IGSF21: variants seen among roughly 807,000 people sequenced by gnomAD.
IGSF21 encodes immunoglobulin superfamily member 21.
A neutral mutation model predicts 46.8 loss-of-function variants in IGSF21; 28 were observed. The observed-to-expected ratio is 0.60, with a 90% confidence interval of 0.44 to 0.82. The LOEUF is 0.82. Among genes scored for constraint, IGSF21 ranks in the 40% least tolerant of loss-of-function variants. The probability of loss-of-function intolerance (pLI) is 0.00; values close to 1 mark genes in which losing one functional copy is unlikely to be tolerated. For synonymous variants in IGSF21, 284 were observed against 273.6 expected, an observed-to-expected ratio of 1.04 and a Z score of -0.38; for missense variants, 624 against 665.5, an observed-to-expected ratio of 0.94 and a Z score of 0.69.
chr1:18,189,400 C>T (rs899914656), intron 1 of IGSF21, among the ~76,000 whole-genome samples: 2 of 152,138 alleles, frequency 1.3e-5, no homozygotes, highest in East Asian at 1.9e-4. Context: ...GAACCAGTTT[C>T]GTGGAGGATG....
intron 1 of IGSF21, among the ~76,000 whole-genome samples, chr1:18,137,313 T>G (rs1029909834): frequency 2.0e-5 from 3 of 152,182 alleles, no homozygotes; most frequent in African/African-American, 7.2e-5. Flanking sequence ...TGTCCCATGA[T>G]CCAATCACCT....
chr1:18,179,471 T>C (rs951148903), intron 1 of IGSF21: 3 of 152,236 alleles, frequency 2.0e-5, no homozygotes, highest in Non-Finnish European at 4.4e-5. Context: ...TATGACCACA[T>C]TGGAATAAAG....
At chr1:18,366,988 G>C (rs184069033) in intron 6 of IGSF21, among the ~76,000 whole-genome samples, 1 of 152,198 alleles carries the variant, frequency 6.6e-6, no homozygotes, top group Non-Finnish European at 1.5e-5. Context: ...GGATGGGCAC[G>C]ATGACCTGTG....
At position 18,252,044 on chromosome 1, in the gene IGSF21, C is replaced by CTTTT. The variant is rs1557608067; in HGVS notation, c.183+24034_183+24035insTTTT. Among the ~76,000 whole-genome samples the CTTTT allele has an allele frequency of 7.1e-5, 7 of 98,996 alleles. 1 individual carries two copies. Among genetic ancestry groups the CTTTT allele is most frequent in the Non-Finnish European group, 1.0e-4 (5 of 48,724 alleles). The allele number at this position is 98,996 out of a possible 152,430, so 64.9% of individuals were successfully genotyped here. A position where few individuals can be genotyped will look rare whatever the true frequency, so the allele number is the denominator to read the frequency against. On this transcript the variant is annotated intron_variant, in intron 2 of 9. Coordinates refer to ENST00000251296, the MANE Select transcript of IGSF21 (RefSeq NM_032880.5). ...AGGCTGGAACACTTTCTGACCAAGG[C>CTTTT]GTTTTTTTTTTTTTTTTTTTTTTTG...
At chr1:18,369,920 A>T (rs2086207850) in intron 6 of IGSF21, among the ~76,000 whole-genome samples, 1 of 152,130 alleles carries the variant, frequency 6.6e-6, no homozygotes, top group Non-Finnish European at 1.5e-5. Context: ...GCGTCCTGGC[A>T]CCCATCTCAC....
rs575610330 is a variant in IGSF21, at chr1:18,162,154, T to C, written c.70+53956T>C. 2.3e-3 allele frequency among the ~76,000 whole-genome samples: 351 copies of C among 152,246 alleles called. 3 individuals carry two copies. Among genetic ancestry groups the C allele is most frequent in the Admixed American group, 3.7e-3 (57 of 15,294 alleles). The stretch of plus-strand genomic sequence containing the variant: ...TCAACTTCCCAGGCTAGGGCGATCC[T>C]CTCACCTCAACCTCCTGAGTAGCTG... On this transcript the variant is annotated intron_variant, in intron 1 of 9. Coordinates refer to ENST00000251296, the MANE Select transcript of IGSF21 (RefSeq NM_032880.5).
intron 4 of IGSF21, among the ~76,000 whole-genome samples, chr1:18,347,841 G>A (rs752765493): frequency 2.6e-5 from 4 of 152,138 alleles, no homozygotes; most frequent in Non-Finnish European, 4.4e-5. Context: ...TTGCTCTTTC[G>A]TTTCTCATGC....
chr1:18,138,577 C>T (rs1286963771), intron 1 of IGSF21, among the ~76,000 whole-genome samples: 1 of 152,124 alleles, frequency 6.6e-6, no homozygotes, highest in Non-Finnish European at 1.5e-5. Context: ...CACTTTTGCT[C>T]TCTCAGTGAG....
rs2085753382 is a variant in IGSF21 at position 18,335,090 on chromosome 1, G to A, written c.424+80G>A. 7 of 1,073,832 alleles carry A rather than the reference G, an allele frequency of 6.5e-6. No homozygotes were observed. The highest frequency in any genetic ancestry group is 3.5e-5 in the Admixed American group (2 of 56,832). The allele number at this position is 1,073,832 out of a possible 1,614,324, so 66.5% of individuals were successfully genotyped here. On this transcript the variant is annotated intron_variant, in intron 4 of 9. Transcript: ENST00000251296. This position sits in a 1 kb window ranked among gnomAD's most constrained non-coding sequence, Gnocchi z 4.8. ...GAGTGTGTGAATGTGCGCACAGAGT[G>A]GCCATCCTGGGGGCCATCCACCAGA...
At chr1:18,344,658 G>A (rs774121745) in intron 4 of IGSF21, among the ~76,000 whole-genome samples, 6 of 152,130 alleles carry the variant, frequency 3.9e-5, no homozygotes, top group African/African-American at 4.8e-5. Context: ...CCATACAATG[G>A]TGTGTATGGT....
chr1:18,190,842 G>T (rs1048932721), intron 1 of IGSF21, among the ~76,000 whole-genome samples: 3 of 152,188 alleles, frequency 2.0e-5, no homozygotes, highest in South Asian at 2.1e-4. Context: ...CCTAATCACC[G>T]GGTGATCTTG....
intron 2 of IGSF21, among the ~76,000 whole-genome samples, chr1:18,236,192 T>A (rs553378815): frequency 6.6e-6 from 1 of 152,144 alleles, no homozygotes; most frequent in East Asian, 1.9e-4. Context: ...GTGGAGATAA[T>A]TGAATCATGG....
intron 2 of IGSF21, among the ~76,000 whole-genome samples, chr1:18,256,648 C>T (rs1008008788): frequency 4.6e-5 from 7 of 152,188 alleles, no homozygotes; most frequent in Non-Finnish European, 8.8e-5. Flanking sequence ...ATCTGCCCTT[C>T]CCAGTGGATC....
chr1:18,144,834 A>G (rs974889416), intron 1 of IGSF21, among the ~76,000 whole-genome samples: 2 of 151,982 alleles, frequency 1.3e-5, no homozygotes, highest in Non-Finnish European at 2.9e-5. Context: ...CTTGAGTAAG[A>G]TGTTTAACTT....
intron 1 of IGSF21, among the ~76,000 whole-genome samples, chr1:18,128,545 C>T (rs1473372546): frequency 6.6e-6 from 1 of 152,178 alleles, no homozygotes; most frequent in East Asian, 1.9e-4. Context: ...TCAGCTGGCC[C>T]ATGACAGTGT....
chr1:18,338,647 C>T (rs530242504), intron 4 of IGSF21, among the ~76,000 whole-genome samples: 5 of 152,286 alleles, frequency 3.3e-5, no homozygotes, highest in East Asian at 1.9e-4. Context: ...TTCCAGAGGC[C>T]TCCGGGTGAA....
In IGSF21 at chr1:18,362,159, C is replaced by A. The variant is rs759496155; in HGVS notation, c.469C>A (p.Pro157Thr). Residue 157 changes from proline (P) to threonine (T), a missense_variant, in exon 5 of 10, where the codon CCC (proline) becomes ACC (threonine). By Grantham distance (38) the Pro-to-Thr change is conservative. Transcript: ENST00000251296. ...IEVVAADTPA[P>T]FSRYQAQNFT... ...AGTGGTGGCTGCTGACACACCAGCC[C>A]CCTTCAGCCGCTACCAAGCCCAGAA... The A allele has an allele frequency of 1.9e-6, 3 of 1,612,962 alleles. No individual in the cohort carries two copies. Among genetic ancestry groups the A allele is most frequent in the African/African-American group, 1.3e-5 (1 of 75,032 alleles).
At chr1:18,372,822 TTGG>T (rs2086240866) in intron 6 of IGSF21, among the ~76,000 whole-genome samples, 2 of 110,462 alleles carry the variant, frequency 1.8e-5, no homozygotes, top group African/African-American at 7.1e-5. Context: ...GGATGGATAT[TTGG>T]ATGGATGGAT....
rs1400272107 is a variant in IGSF21 at position 18,296,153 on chromosome 1, AC to A, written c.305+4169del. ...CCCCCCAGAATAACCTTGAGAAGGC[AC>A]CCGTATTGGCTTCCTTCCCTTCTAG... On this transcript the variant is annotated intron_variant, in intron 3 of 9. Transcript: ENST00000251296. Among the ~76,000 whole-genome samples the A allele has an allele frequency of 3.9e-5, 6 of 152,174 alleles. No individual in the cohort carries two copies. In the South Asian group the frequency reaches 6.2e-4, roughly 16 times the overall value.
Sources: allele counts gnomAD v4.1 joint callset (sites outside exome capture counted in the v4.1 genomes callset), GRCh38; gene constraint gnomAD v4.1.1; non-coding constraint Gnocchi (gnomAD v3.1); transcripts MANE v1.5; gene names NCBI Gene and HGNC (gene_info 2026-07-23, HGNC 2026-07-21).